Variants in ZFHX3 observed in about 807,000 individuals in gnomAD.
ZFHX3 encodes the protein zinc finger homeobox 3.
ZFHX3 carries 42 observed loss-of-function variants against 279.1 expected under a neutral mutation model. The observed-to-expected ratio is 0.15, with a 90% CI of 0.12 to 0.19. The LOEUF (loss-of-function observed/expected upper bound fraction) is 0.19. Ranked by LOEUF, ZFHX3 falls within the 10% of genes least tolerant of loss-of-function variation. The pLI is 1.00. For synonymous variants in ZFHX3, 2,293 were observed against 1,957.8 expected, an observed-to-expected ratio of 1.17 and a Z score of -4.52; for missense variants, 4,981 against 4,754.0, an observed-to-expected ratio of 1.05 and a Z score of -1.40.
chr16:73,313,112 C>A (rs1015332131), intron 4 of ZFHX3, among the ~76,000 whole-genome samples: 2 of 152,158 alleles, frequency 1.3e-5, no homozygotes, highest in African/African-American at 2.4e-5. Flanking sequence ...GTCCCGAGAT[C>A]TGATGGTTTA....
chr16:73,772,366 T>A (rs1206977427), intron 1 of ZFHX3, among the ~76,000 whole-genome samples: 1 of 152,182 alleles, frequency 6.6e-6, no homozygotes, highest in Admixed American at 6.5e-5. Context: ...CTTGTGCAGA[T>A]AAACTCCCCC....
chr16:73,084,721 C>G (rs1467328808), intron 8 of ZFHX3, among the ~76,000 whole-genome samples: 1 of 151,900 alleles, frequency 6.6e-6, no homozygotes, highest in Non-Finnish European at 1.5e-5. Context: ...GGGGTTTCAC[C>G]GTGTTAGCCA....
intron 2 of ZFHX3, among the ~76,000 whole-genome samples, chr16:73,492,973 A>G (rs2019078966): frequency 6.6e-6 from 1 of 152,230 alleles, no homozygotes; most frequent in Non-Finnish European, 1.5e-5. Flanking sequence ...TGAATAATAA[A>G]GTATTATATA....
At chr16:73,743,309 T>C (rs997559129) in intron 1 of ZFHX3, among the ~76,000 whole-genome samples, 1 of 152,226 alleles carries the variant, frequency 6.6e-6, no homozygotes, top group Non-Finnish European at 1.5e-5. Flanking sequence ...CATTCCACAG[T>C]TGATTTCATC....
At chr16:72,882,390 C>T (rs1234315346) in intron 4 of ZFHX3, among the ~76,000 whole-genome samples, 1 of 152,138 alleles carries the variant, frequency 6.6e-6, no homozygotes, top group Non-Finnish European at 1.5e-5. Flanking sequence ...ACAACACGCA[C>T]AAAACCCTGG....
At chr16:73,672,567 T>A (rs543320970) in intron 2 of ZFHX3, among the ~76,000 whole-genome samples, 1 of 152,072 alleles carries the variant, frequency 6.6e-6, no homozygotes, top group Admixed American at 6.5e-5. Context: ...GAACAGAAAT[T>A]AGTAATATAG....
chr16:73,032,653 C>T (rs1292463948), intron 1 of ZFHX3, among the ~76,000 whole-genome samples: 3 of 151,390 alleles, frequency 2.0e-5, no homozygotes, highest in African/African-American at 7.3e-5. Context: ...CCCAACATCA[C>T]TTTTTAAAGC....
Position 73,347,159 on chromosome 16 carries a change from A to G in ZFHX3, c.-1290-28823T>C, listed in dbSNP as rs1448807843. On this transcript the variant is annotated intron_variant, in intron 3 of 17. Coordinates refer to the ZFHX3 transcript ENST00000641206. ...TCAAATGACTGCAAAGTCTATGTTT[A>G]CACAGTTAAGTCCCCAATTCATGTC... Among the ~76,000 whole-genome samples the G allele has an allele frequency of 2.0e-5, 3 of 152,248 alleles. No individual in the cohort carries two copies. In the East Asian group the frequency reaches 5.8e-4, roughly 29 times the overall value.
intron 7 of ZFHX3, chr16:72,808,125 C>A (rs901992821): frequency 1.3e-5 from 2 of 152,162 alleles, no homozygotes; most frequent in African/African-American, 4.8e-5. Flanking sequence ...AATACCCTCC[C>A]GTGGCATGAT....
intron 4 of ZFHX3, among the ~76,000 whole-genome samples, chr16:72,889,487 T>TAAAAAA (rs372928371): frequency 1.7e-5 from 2 of 115,896 alleles, no homozygotes; most frequent in Non-Finnish European, 3.6e-5. Context: ...CAATTTCCTT[T>TAAAAAA]AAAAAAAAAA....
At chr16:73,592,033 A>G (rs989645581) in intron 2 of ZFHX3, among the ~76,000 whole-genome samples, 6 of 151,800 alleles carry the variant, frequency 4.0e-5, no homozygotes, top group Non-Finnish European at 7.4e-5. Context: ...GGAGTTCAAG[A>G]CCAGCCTGGC....
intron 4 of ZFHX3, among the ~76,000 whole-genome samples, chr16:73,265,581 T>C (rs1567434613): frequency 6.6e-6 from 1 of 152,144 alleles, no homozygotes. Flanking sequence ...CCCGTTCCCA[T>C]CTACCTGTCG....
chr16:73,269,418 A>G (rs1176555539), intron 4 of ZFHX3, among the ~76,000 whole-genome samples: 1 of 152,200 alleles, frequency 6.6e-6, no homozygotes, highest in Non-Finnish European at 1.5e-5. Context: ...AAATGGAATA[A>G]TTCAGTATTT....
At chr16:73,458,675 C>T (rs1267410529) in intron 2 of ZFHX3, among the ~76,000 whole-genome samples, 1 of 152,096 alleles carries the variant, frequency 6.6e-6, no homozygotes, top group Non-Finnish European at 1.5e-5. Context: ...GGGTTGGCTC[C>T]CTCGGTCACC....
intron 3 of ZFHX3, among the ~76,000 whole-genome samples, chr16:73,405,522 T>C (rs372992071): frequency 9.2e-5 from 14 of 152,276 alleles, no homozygotes; most frequent in African/African-American, 3.1e-4. Flanking sequence ...AAGACACAGA[T>C]TTATTAAAAA....
At chr16:73,044,600 G>GTGTTTGTT (rs55924998) in intron 1 of ZFHX3, among the ~76,000 whole-genome samples, 33 of 150,968 alleles carry the variant, frequency 2.2e-4, no homozygotes, top group Middle Eastern at 3.4e-3. Flanking sequence ...TAAAAGGTGA[G>GTGTTTGTT]TGTTTGTTTG....
intron 2 of ZFHX3, among the ~76,000 whole-genome samples, chr16:73,486,488 C>T (rs1349117438): frequency 2.0e-5 from 3 of 152,228 alleles, no homozygotes; most frequent in African/African-American, 7.2e-5. Context: ...AACCTGGACA[C>T]CCTCCACCAG....
intron 2 of ZFHX3, among the ~76,000 whole-genome samples, chr16:73,517,324 T>G (rs954904633): frequency 2.7e-4 from 41 of 152,318 alleles, no homozygotes; most frequent in African/African-American, 8.4e-4. Context: ...ATTTATCATC[T>G]CATGCTCCCT....
At chr16:73,068,476 G>T (rs1965782719) in intron 8 of ZFHX3, among the ~76,000 whole-genome samples, 1 of 152,192 alleles carries the variant, frequency 6.6e-6, no homozygotes, top group Non-Finnish European at 1.5e-5. Context: ...AAGGCCAAAA[G>T]GGACAATGCA....
Sources: gnomAD v4.1 joint callset for allele counts (sites outside exome capture counted in the v4.1 genomes callset) on GRCh38, gnomAD v4.1.1 for gene constraint, MANE v1.5 for transcripts, NCBI Gene and HGNC (gene_info 2026-07-23, HGNC 2026-07-21) for gene names.